SERINC5: variants seen among roughly 807,000 people sequenced by gnomAD.
The protein encoded by SERINC5 is serine incorporator 5, also known as chromosome 5 open reading frame 12.
In SERINC5, 41 loss-of-function variants were observed where a neutral mutation model predicts 63.1. The ratio of observed to expected loss-of-function variants is 0.65; its 90% CI spans 0.51 to 0.84. The LOEUF (loss-of-function observed/expected upper bound fraction) is 0.84, where lower values mean the gene tolerates loss of function less well. Among genes scored for constraint, SERINC5 ranks in the 40% least tolerant of loss-of-function variants. SERINC5 has a pLI of 0.00. For missense variants in SERINC5, 523 were observed against 573.0 expected, an observed-to-expected ratio of 0.91 and a Z score of 0.89; for synonymous variants, 222 against 215.2, an observed-to-expected ratio of 1.03 and a Z score of -0.28.
intron 1 of SERINC5, among the ~76,000 whole-genome samples, chr5:80,216,695 T>C (rs1226949361): frequency 1.3e-5 from 2 of 149,832 alleles, no homozygotes. Flanking sequence ...AAGTACCCAT[T>C]GGGTTTTAAA....
In SERINC5 at chr5:80,182,562, T is replaced by G. The variant is rs915022768; in HGVS notation, c.196-4498A>C. ...TCTGACCGCCCCCCCCCCCTCCGCT[T>G]TTTTTTAATTGAGACCTCTGTTGCC... On this transcript the variant is annotated intron_variant, in intron 2 of 11. Coordinates refer to ENST00000507668, the MANE Select transcript of SERINC5 (RefSeq NM_001174072.3). 4.8e-5 allele frequency among the ~76,000 whole-genome samples: 6 copies of G among 123,802 alleles called. 1 individual carries two copies. Among genetic ancestry groups the G allele is most frequent in the African/African-American group, 1.7e-4 (6 of 36,084 alleles). The allele number at this position is 123,802 out of a possible 152,430, so 81.2% of individuals were successfully genotyped here.
intron 8 of SERINC5, among the ~76,000 whole-genome samples, chr5:80,151,483 T>A (rs145867505): frequency 4.6e-5 from 7 of 152,228 alleles, no homozygotes; most frequent in African/African-American, 1.7e-4. Flanking sequence ...GGTAAAATGT[T>A]AGACAAATTG....
intron 1 of SERINC5, among the ~76,000 whole-genome samples, chr5:80,232,171 A>G (rs376813111): frequency 2.8e-4 from 42 of 148,064 alleles, no homozygotes; most frequent in East Asian, 7.8e-4. Flanking sequence ...TTGGGAGGCC[A>G]AGGCGGGCAG....
intron 1 of SERINC5, among the ~76,000 whole-genome samples, chr5:80,212,433 G>A (rs7701381): frequency 0.096 from 14,650 of 152,198 alleles, 1,583 homozygotes; most frequent in African/African-American, 0.27. Flanking sequence ...TGCCCATGCC[G>A]TGTGAGGGCC....
chr5:80,230,123 A>G (rs1390441920), intron 1 of SERINC5, among the ~76,000 whole-genome samples: 1 of 152,156 alleles, frequency 6.6e-6, no homozygotes, highest in Admixed American at 6.6e-5. Flanking sequence ...AGCCTGCTCC[A>G]GGAGCTTGCA....
At chr5:80,197,819 T>C (rs1749604518) in intron 2 of SERINC5, among the ~76,000 whole-genome samples, 1 of 152,192 alleles carries the variant, frequency 6.6e-6, no homozygotes, top group Non-Finnish European at 1.5e-5. Flanking sequence ...CCCACTTTTG[T>C]TCCCTTTGCA....
At chr5:80,171,815 A>T (rs1747678955) in intron 5 of SERINC5, among the ~76,000 whole-genome samples, 1 of 152,150 alleles carries the variant, frequency 6.6e-6, no homozygotes, top group African/African-American at 2.4e-5. Flanking sequence ...TAGGAGTTCA[A>T]GGCTGCAGTG....
intron 7 of SERINC5, among the ~76,000 whole-genome samples, chr5:80,162,906 G>C (rs1487057080): frequency 6.6e-6 from 1 of 151,430 alleles, no homozygotes; most frequent in East Asian, 1.9e-4. Context: ...GGGTGCTGTA[G>C]TGCGATCTTG....
rs1561380966 is a variant in SERINC5, at chr5:80,161,029, C to CGTGTATAT, written c.860-2068_860-2067insATATACAC. On this transcript the variant is annotated intron_variant, in intron 7 of 11. Transcript: ENST00000507668. ...GTGTATATATACGTGTATATATATA[C>CGTGTATAT]ACACGTGTATATATATATATGTATG... Among the ~76,000 whole-genome samples, 1,014 of 111,880 alleles carry CGTGTATAT rather than the reference C, an allele frequency of 9.1e-3. 13 individuals carry two copies. Among genetic ancestry groups the CGTGTATAT allele is most frequent in the African/African-American group, 0.053 (961 of 18,140 alleles). 73.4% of individuals were successfully genotyped at this position (111,880 alleles called of 152,430 possible).
chr5:80,197,032 C>T (rs1276126822), intron 2 of SERINC5, among the ~76,000 whole-genome samples: 2 of 152,108 alleles, frequency 1.3e-5, no homozygotes, highest in Non-Finnish European at 2.9e-5. Flanking sequence ...ACATATGCTA[C>T]AACCTGAGTG....
chr5:80,255,883 CGGCCTCGCTCACCT>C lies in SERINC5; in HGVS notation c.26_27+12del. The C allele has an allele frequency of 6.3e-7, 1 of 1,589,638 alleles. No homozygotes were observed. The highest frequency in any genetic ancestry group is 8.5e-7 in the Non-Finnish European group (1 of 1,172,530). ...GATCTGACAACCCCCGCGCTGCGCC[CGGCCTCGCTCACCT>C]GGCCCGCACAGCACTGAGCTGACAT... On this transcript the variant is annotated splice_donor_variant and splice_donor_5th_base_variant and coding_sequence_variant and intron_variant, in exon 1 of 12. Coordinates refer to ENST00000507668, the MANE Select transcript of SERINC5 (RefSeq NM_001174072.3). LOFTEE classifies it high-confidence loss of function.
chr5:80,234,913 A>G (rs1034240128), intron 1 of SERINC5, among the ~76,000 whole-genome samples: 2 of 151,426 alleles, frequency 1.3e-5, no homozygotes, highest in Non-Finnish European at 2.9e-5. Flanking sequence ...GATTTAACTT[A>G]CTCTTTTTTT....
chr5:80,218,874 G>A (rs1750783966), intron 1 of SERINC5, among the ~76,000 whole-genome samples: 1 of 152,056 alleles, frequency 6.6e-6, no homozygotes, highest in African/African-American at 2.4e-5. Flanking sequence ...GAACACCTCT[G>A]ACCCATTCCA....
rs761597166 is a variant in SERINC5, at chr5:80,255,881, C to A, written c.27+15G>T. ...CCGATCTGACAACCCCCGCGCTGCG[C>A]CCGGCCTCGCTCACCTGGCCCGCAC... On this transcript the variant is annotated intron_variant, in intron 1 of 11. Coordinates refer to ENST00000507668, the MANE Select transcript of SERINC5 (RefSeq NM_001174072.3). 1 of 1,590,006 alleles carries A rather than the reference C, an allele frequency of 6.3e-7. No individual in the cohort carries two copies. Among genetic ancestry groups the A allele is most frequent in the East Asian group, 2.3e-5 (1 of 42,818 alleles).
intron 2 of SERINC5, among the ~76,000 whole-genome samples, chr5:80,197,185 C>T (rs1183743140): frequency 1.3e-5 from 2 of 151,950 alleles, no homozygotes; most frequent in Admixed American, 6.5e-5. Context: ...CCTGTCTCTA[C>T]TAAAATTATA....
intron 1 of SERINC5, among the ~76,000 whole-genome samples, chr5:80,223,583 G>A (rs975916665): frequency 6.6e-6 from 1 of 152,042 alleles, no homozygotes. Flanking sequence ...ATACAGTAAG[G>A]ATAGGCTATT....
At position 80,150,905 on chromosome 5, in the gene SERINC5, G is replaced by A. The variant is rs185819925; in HGVS notation, c.1030C>T (p.Arg344Ter). The change falls in exon 9 of 12, where the codon CGA becomes TGA. Residue 344 changes from arginine (R) to a stop codon, truncating the protein, a stop_gained. Transcript: ENST00000507668. LOFTEE classifies it high-confidence loss of function. ...ACCTCCAATTCAGGAGCTGCGTATCGCCCCTGCAGAGCGTCAGAACTCGAT... is the reference window on the plus strand; with the variant it reads ...ACCTCCAATTCAGGAGCTGCGTATCACCCCTGCAGAGCGTCAGAACTCGAT... Reference protein sequence around the residue: ...TRSSSDALQGRYAAPELEIAR... With the variant: ...TRSSSDALQG 5.6e-6 allele frequency: 9 copies of A among 1,612,772 alleles called. No individual in the cohort carries two copies. The highest frequency in any genetic ancestry group is 1.1e-5 in the South Asian group (1 of 91,068).
chr5:80,170,419 T>C (rs1470540751), intron 5 of SERINC5, among the ~76,000 whole-genome samples: 1 of 152,176 alleles, frequency 6.6e-6, no homozygotes, highest in Non-Finnish European at 1.5e-5. Context: ...TCTGTAGAGA[T>C]CTAGCTAATG....
chr5:80,230,445 C>CAAAA (rs72476401), intron 1 of SERINC5, among the ~76,000 whole-genome samples: 2 of 93,192 alleles, frequency 2.1e-5, no homozygotes, highest in East Asian at 2.9e-4. Context: ...AAGACTGTCA[C>CAAAA]AAAAAAAAAA....
Sources: allele counts gnomAD v4.1 joint callset (sites outside exome capture counted in the v4.1 genomes callset), GRCh38; gene constraint gnomAD v4.1.1; transcripts MANE v1.5; gene names NCBI Gene and HGNC (gene_info 2026-07-23, HGNC 2026-07-21).